The following PMS2 variants were observed in gnomAD, a reference collection of about 807,000 sequenced individuals.
PMS2 encodes the protein PMS1 homolog 2, mismatch repair system component.
In PMS2, 69 loss-of-function variants were observed where a neutral mutation model predicts 90.0. The ratio of observed to expected loss-of-function variants is 0.77; its 90% CI spans 0.63 to 0.94. PMS2 has a LOEUF of 0.94. Ranked by LOEUF, PMS2 falls within the 40% of genes least tolerant of loss-of-function variation. The pLI is 0.00. For synonymous variants in PMS2, 332 were observed against 375.1 expected (o/e 0.89, Z 1.33); for missense variants, 966 against 1,040.2 (o/e 0.93, Z 0.98).
At chr7:5,998,148 C>G (rs1784644217) in intron 6 of PMS2, among the ~76,000 whole-genome samples, 1 of 148,812 alleles carries the variant, frequency 6.7e-6, no homozygotes, top group Non-Finnish European at 1.5e-5. Context: ...GTGGTGCAAT[C>G]TCAGCTCACT....
chr7:6,004,217 C>T lies in PMS2; in HGVS notation c.164-159G>A. 5 of 587,340 alleles carry T rather than the reference C, an allele frequency of 8.5e-6. No homozygotes were observed. The South Asian group carries it at 1.1e-4, about 13-fold the overall frequency. 36.4% of individuals were successfully genotyped at this position (587,340 alleles called of 1,614,324 possible). ...TTGTATATTTCATTGTTATAAAGTCCTTTCTGGCTATTTACTAGCCCAGAC... is the reference window on the plus strand; with the variant it reads ...TTGTATATTTCATTGTTATAAAGTCTTTTCTGGCTATTTACTAGCCCAGAC... On this transcript the variant is annotated intron_variant, in intron 2 of 14. Transcript: ENST00000265849.
Position 5,986,915 on chromosome 7 carries a change from G to A in PMS2, c.1850C>T (p.Pro617Leu), listed in dbSNP as rs747785888. ...TAAAGAACTCATAGAAAAGTCCAGG[G>A]GCACAACTTTCTTATTAATTTTCAC... ...VAVKINKKVV[P>L]LDFSMSSLAK... Residue 617 changes from proline (P) to leucine (L), a missense_variant, in exon 11 of 15, where the codon CCC becomes CTC. Physicochemically the swap from Pro to Leu is moderately conservative, Grantham distance 98. Coordinates refer to ENST00000265849, the MANE Select transcript of PMS2 (RefSeq NM_000535.7). The A allele has an allele frequency of 4.3e-6, 7 of 1,613,998 alleles. No individual in the cohort carries two copies. The highest frequency in any genetic ancestry group is 3.3e-5 in the South Asian group (3 of 91,070).
At chr7:5,988,784 C>T (rs1354531645) in intron 10 of PMS2, among the ~76,000 whole-genome samples, 1 of 152,174 alleles carries the variant, frequency 6.6e-6, no homozygotes, top group Non-Finnish European at 1.5e-5. Context: ...AGAAACAAAT[C>T]ACAGAAAAGG....
At chr7:5,997,569 G>C (rs1784569060) in intron 6 of PMS2, 146 bp from the exon 7 acceptor site, 1 of 645,774 alleles carries the variant, frequency 1.5e-6, no homozygotes, top group Non-Finnish European at 2.8e-6. Flanking sequence ...TTTTGAGACA[G>C]GGTCTCCCTC....
chr7:5,992,398 C>A (rs1391791688), intron 8 of PMS2, among the ~76,000 whole-genome samples: 1 of 151,760 alleles, frequency 6.6e-6, no homozygotes, highest in East Asian at 1.9e-4. Flanking sequence ...TGGCTCACTG[C>A]AACCTCTGCC....
intron 1 of PMS2, among the ~76,000 whole-genome samples, chr7:6,008,796 A>C (rs146420989): frequency 1.9e-3 from 283 of 152,212 alleles, no homozygotes; most frequent in African/African-American, 6.5e-3. Context: ...CAGGACCCCG[A>C]AGGAGCTTGC....
At chr7:6,002,755 T>C (rs374984147) in intron 4 of PMS2, 119 bp from the exon 5 acceptor site, 1 of 825,338 alleles carries the variant, frequency 1.2e-6, no homozygotes, top group South Asian at 1.3e-5. Context: ...ACGATCCCTC[T>C]GAGATAATCA....
chr7:5,999,296 C>G (rs757200578), intron 5 of PMS2, 21 bp from the exon 6 acceptor site: 2 of 1,596,412 alleles, frequency 1.3e-6, no homozygotes, highest in Non-Finnish European at 1.7e-6. Context: ...AACACAAACA[C>G]AATATTCTAC....
rs188813057 is a variant in PMS2, at chr7:5,999,132, G to T, written c.681C>A (p.Ile227=). ...TGGSPSIKEN[I]GSVFGQKQLQ... is the part of the protein sequence containing the mutation. ...CCTGCTTCTGCCCAAACACAGAGCC[G>T]ATATTTTCCTTTATGCTGGGGCTTC... Residue 227 remains isoleucine, a synonymous_variant, in exon 6 of 15, where the codon ATC becomes ATA. Coordinates refer to ENST00000265849, the MANE Select transcript of PMS2 (RefSeq NM_000535.7). 3 of 1,613,948 alleles carry T rather than the reference G, an allele frequency of 1.9e-6. No individual in the cohort carries two copies. The highest frequency in any genetic ancestry group is 2.5e-6 in the Non-Finnish European group (3 of 1,180,024).
chr7:5,982,923 T>C lies in PMS2; in HGVS notation c.2075A>G (p.Asn692Ser), dbSNP rs1562615666. ...CTGGTCCACTATGAAGATATCCTCA[T>C]TCAGTTTGGTTATTATAAATCCCAG... ...FNLGFIITKL[N>S]EDIFIVDQHA... The change falls in exon 12 of 15, where the codon AAT becomes AGT. Residue 692 changes from asparagine to serine, a missense_variant. Asn to Ser is a conservative substitution (Grantham distance 46). Transcript: ENST00000265849. 6.3e-7 allele frequency: 1 copy of C among 1,593,158 alleles called. No homozygotes were observed. Among genetic ancestry groups the C allele is most frequent in the East Asian group, 2.2e-5 (1 of 44,576 alleles).
chr7:5,993,130 G>C (rs1783948600), intron 8 of PMS2, among the ~76,000 whole-genome samples: 1 of 152,026 alleles, frequency 6.6e-6, no homozygotes, highest in African/African-American at 2.4e-5. Flanking sequence ...CAGCACTTTG[G>C]GAGGTCAAGG....
At chr7:6,001,658 T>C (rs565474945) in intron 5 of PMS2, among the ~76,000 whole-genome samples, 15 of 151,862 alleles carry the variant, frequency 9.9e-5, no homozygotes, top group African/African-American at 2.4e-4. Flanking sequence ...TGTGAGCCAC[T>C]GTGCCTGGCC....
chr7:5,990,394 TC>T (rs1783611098), intron 9 of PMS2, among the ~76,000 whole-genome samples: 1 of 152,200 alleles, frequency 6.6e-6, no homozygotes, highest in Non-Finnish European at 1.5e-5. Flanking sequence ...CATTACAGTG[TC>T]CAGGTTAAGA....
Position 5,978,085 on chromosome 7 carries a change from C to A in PMS2, c.2276-328G>T, listed in dbSNP as rs557031349. ...CAGTGAGCCGAGATCGGCACCACTG[C>A]GCTCCAGCCTGGGCGACAGAGCAAG... On this transcript the variant is annotated intron_variant, in intron 13 of 14. Coordinates refer to ENST00000265849, the MANE Select transcript of PMS2 (RefSeq NM_000535.7). 2.7e-5 allele frequency among the ~76,000 whole-genome samples: 4 copies of A among 149,600 alleles called. No individual in the cohort carries two copies. In the South Asian group the frequency reaches 6.4e-4, roughly 24 times the overall value.
rs2128848230 is a variant in PMS2, at chr7:6,006,101, G to A, written c.24-70C>T. 2.6e-6 allele frequency: 4 copies of A among 1,533,622 alleles called. No homozygotes were observed. The South Asian group carries it at 4.5e-5, about 17-fold the overall frequency. ...TATTTTCATCCTGATTTTAACTGTG[G>A]GAAATGACTCAACACTGTAAATAAT... On this transcript the variant is annotated intron_variant, in intron 1 of 14. Transcript: ENST00000265849.
At chr7:5,986,684 T>G in intron 11 of PMS2, 75 bp downstream of exon 11, 1 of 1,200,814 alleles carries the variant, frequency 8.3e-7, no homozygotes, top group Non-Finnish European at 1.2e-6. Flanking sequence ...AGAGCAAGAC[T>G]CTGTCTCAAA....
intron 10 of PMS2, among the ~76,000 whole-genome samples, chr7:5,989,285 G>C (rs1258682348): frequency 1.3e-5 from 2 of 151,976 alleles, no homozygotes; most frequent in Non-Finnish European, 2.9e-5. Flanking sequence ...ACAAACATTA[G>C]CCAGGTGTGG....
chr7:5,989,085 C>T (rs1409929494), intron 10 of PMS2, among the ~76,000 whole-genome samples: 1 of 152,100 alleles, frequency 6.6e-6, no homozygotes. Context: ...CTCCTGACCT[C>T]GTGAGCCGCC....
intron 11 of PMS2, 90 bp downstream of exon 11, chr7:5,986,669 G>T: frequency 9.7e-7 from 1 of 1,035,958 alleles, no homozygotes; most frequent in Non-Finnish European, 1.4e-6. Context: ...TCCAGCCTGC[G>T]CAACAGAGCA....
Sources: allele counts gnomAD v4.1 joint callset (sites outside exome capture counted in the v4.1 genomes callset), GRCh38; gene constraint gnomAD v4.1.1; transcripts MANE v1.5; gene names NCBI Gene and HGNC (gene_info 2026-07-23, HGNC 2026-07-21).